Variants in SCAF8 observed in about 807,000 individuals in gnomAD.
SCAF8 encodes the protein SR-related and CTD-associated factor 8.
In SCAF8, 23 loss-of-function variants were observed where a neutral mutation model predicts 140.5. The observed-to-expected ratio is 0.16, with a 90% CI of 0.12 to 0.23. The LOEUF is 0.23. Ranked by LOEUF, SCAF8 falls within the 10% of genes least tolerant of loss-of-function variation. SCAF8 has a pLI of 1.00. For synonymous variants in SCAF8, 575 were observed against 528.9 expected, an observed-to-expected ratio of 1.09 and a Z score of -1.20; for missense variants, 1,397 against 1,555.7, an observed-to-expected ratio of 0.90 and a Z score of 1.72.
chr6:154,785,817 TA>T (rs1777234486), intron 3 of SCAF8, among the ~76,000 whole-genome samples: 1 of 152,180 alleles, frequency 6.6e-6, no homozygotes, highest in South Asian at 2.1e-4. Flanking sequence ...CAAATATACT[TA>T]AAGGTGCATT....
At chr6:154,773,223 A>G (rs556567932) in intron 1 of SCAF8, among the ~76,000 whole-genome samples, 2 of 152,258 alleles carry the variant, frequency 1.3e-5, no homozygotes, top group East Asian at 3.9e-4. Flanking sequence ...ATGATTCCTC[A>G]TTTATCTCCA....
chr6:154,785,415 T>G (rs1391570159), intron 3 of SCAF8, among the ~76,000 whole-genome samples: 1 of 152,244 alleles, frequency 6.6e-6, no homozygotes, highest in Non-Finnish European at 1.5e-5. Flanking sequence ...TAATACTAAA[T>G]TAGTTTTATA....
chr6:154,766,162 CCTTGT>C (rs1776559705), intron 1 of SCAF8, among the ~76,000 whole-genome samples: 1 of 151,632 alleles, frequency 6.6e-6, no homozygotes, highest in South Asian at 2.1e-4. Context: ...AAATCTTTAC[CCTTGT>C]CTTCATGTTG....
intron 5 of SCAF8, among the ~76,000 whole-genome samples, chr6:154,793,839 A>ATT (rs1554261613): frequency 3.5e-5 from 5 of 142,584 alleles, no homozygotes; most frequent in African/African-American, 1.4e-4. Flanking sequence ...AAAAAAAAAA[A>ATT]TTTTTTTAAA....
chr6:154,811,773 G>A (rs1343266634), intron 12 of SCAF8, among the ~76,000 whole-genome samples: 1 of 150,856 alleles, frequency 6.6e-6, no homozygotes, highest in African/African-American at 2.4e-5. Flanking sequence ...TCACCTATGA[G>A]TGAGAACATG....
intron 5 of SCAF8, among the ~76,000 whole-genome samples, chr6:154,793,244 TTTAAG>T (rs1336961167): frequency 6.6e-6 from 1 of 152,194 alleles, no homozygotes; most frequent in Non-Finnish European, 1.5e-5. Flanking sequence ...TTTTTCCTGA[TTTAAG>T]TTGTCTGTAA....
chr6:154,766,334 T>A (rs979736614), intron 1 of SCAF8, among the ~76,000 whole-genome samples: 5 of 152,178 alleles, frequency 3.3e-5, no homozygotes, highest in African/African-American at 4.8e-5. Flanking sequence ...TTTTTGCTTT[T>A]TCATTTCTCT....
intron 11 of SCAF8, among the ~76,000 whole-genome samples, chr6:154,809,638 G>A (rs959839467): frequency 1.3e-5 from 2 of 152,176 alleles, no homozygotes; most frequent in African/African-American, 4.8e-5. Context: ...AAACTACTAA[G>A]CAGAATTATG....
chr6:154,798,458 A>G (rs564547507), intron 6 of SCAF8, among the ~76,000 whole-genome samples: 1 of 151,366 alleles, frequency 6.6e-6, no homozygotes, highest in East Asian at 1.9e-4. Context: ...TGGAAATGCG[A>G]TTTTTCCATT....
At chr6:154,737,840 C>G (rs961418012) in intron 1 of SCAF8, among the ~76,000 whole-genome samples, 1 of 152,140 alleles carries the variant, frequency 6.6e-6, no homozygotes, top group Non-Finnish European at 1.5e-5. Context: ...ACCTCCCCTC[C>G]CAAAGTGCTG....
intron 6 of SCAF8, among the ~76,000 whole-genome samples, chr6:154,801,462 G>A (rs1365766071): frequency 6.6e-6 from 1 of 151,314 alleles, no homozygotes; most frequent in Non-Finnish European, 1.5e-5. Context: ...TTTTTAACAG[G>A]GGTGGGTACA....
In SCAF8 at chr6:154,808,667, T is replaced by C. The variant is rs370775031; in HGVS notation, c.1114-19T>C. 4 of 1,473,878 alleles carry C rather than the reference T, an allele frequency of 2.7e-6. No individual in the cohort carries two copies. Among genetic ancestry groups the C allele is most frequent in the African/African-American group, 2.8e-5 (2 of 72,120 alleles). 91.3% of individuals were successfully genotyped at this position (1,473,878 alleles called of 1,614,324 possible). On this transcript the variant is annotated intron_variant, in intron 10 of 19. Coordinates refer to ENST00000367178, the MANE Select transcript of SCAF8 (RefSeq NM_014892.5). ...TCAACCAGCCTTTCTGTTTGTTTGCTGTTCTTTTGACTTTCAAGGATATGG... is the reference window on the plus strand; with the variant it reads ...TCAACCAGCCTTTCTGTTTGTTTGCCGTTCTTTTGACTTTCAAGGATATGG...
intron 1 of SCAF8, among the ~76,000 whole-genome samples, chr6:154,760,274 A>G (rs1233242591): frequency 6.6e-6 from 1 of 152,210 alleles, no homozygotes; most frequent in African/African-American, 2.4e-5. Flanking sequence ...AACCTGGGCA[A>G]CAGAGCAAGA....
chr6:154,793,815 C>CAA (rs59257286), intron 5 of SCAF8, among the ~76,000 whole-genome samples: 3,975 of 67,500 alleles, frequency 0.059, 195 homozygotes, highest in African/African-American at 0.12. Flanking sequence ...AACTCTGTCT[C>CAA]AAAAAAAAAA....
At chr6:154,829,633 A>T (rs552585362) in intron 18 of SCAF8, among the ~76,000 whole-genome samples, 44 of 152,316 alleles carry the variant, frequency 2.9e-4, no homozygotes, top group African/African-American at 9.6e-4. Context: ...TTGGCCGGGC[A>T]TGGTGGCTGA....
intron 1 of SCAF8, among the ~76,000 whole-genome samples, chr6:154,735,117 C>CT (rs1057511700): frequency 6.8e-6 from 1 of 146,120 alleles, no homozygotes; most frequent in Non-Finnish European, 1.5e-5. Flanking sequence ...GAGTGAGACT[C>CT]TGTCTACAAA....
chr6:154,798,045 T>A (rs1777659199), intron 6 of SCAF8, among the ~76,000 whole-genome samples: 1 of 151,498 alleles, frequency 6.6e-6, no homozygotes, highest in African/African-American at 2.4e-5. Context: ...CACTCAACCT[T>A]CAGCAAACAT....
intron 18 of SCAF8, 67 bp downstream of exon 18, chr6:154,827,307 T>C: frequency 1.0e-6 from 1 of 1,001,274 alleles, no homozygotes; most frequent in Admixed American, 2.4e-5. Flanking sequence ...TCAGTTCTCA[T>C]TCTTGTGAAT....
intron 1 of SCAF8, among the ~76,000 whole-genome samples, chr6:154,761,185 T>C (rs1057140532): frequency 6.6e-6 from 1 of 152,192 alleles, no homozygotes; most frequent in Non-Finnish European, 1.5e-5. Context: ...TTATGTGCTT[T>C]GTTTGCAGTT....
Sources: allele counts gnomAD v4.1 joint callset (sites outside exome capture counted in the v4.1 genomes callset), GRCh38; gene constraint gnomAD v4.1.1; transcripts MANE v1.5; gene names NCBI Gene and HGNC (gene_info 2026-07-23, HGNC 2026-07-21).